ANKRD36C: variants seen among roughly 807,000 people sequenced by gnomAD.
The protein encoded by ANKRD36C is ankyrin repeat domain-containing protein 36C.
A neutral mutation model predicts 276.4 loss-of-function variants in ANKRD36C; 61 were observed. The observed-to-expected ratio is 0.22, with a 90% CI of 0.18 to 0.27. ANKRD36C has a LOEUF of 0.27. ANKRD36C is among the 10% of genes least tolerant of loss of function. The pLI is 1.00. For missense variants in ANKRD36C, 1,447 were observed against 2,032.3 expected, an observed-to-expected ratio of 0.71 and a Z score of 5.54; for synonymous variants, 483 against 680.1, an observed-to-expected ratio of 0.71 and a Z score of 4.51.
intron 38 of ANKRD36C, among the ~76,000 whole-genome samples, chr2:95,914,928 G>A (rs564414314): frequency 6.6e-6 from 1 of 151,526 alleles, no homozygotes; most frequent in South Asian, 2.1e-4. Context: ...TCATCCACTA[G>A]TTTAGCCTTC....
chr2:95,891,584 AC>A (rs900364210), intron 46 of ANKRD36C, 80 bp downstream of exon 66: 2 of 1,473,142 alleles, frequency 1.4e-6, no homozygotes, highest in African/African-American at 1.4e-5. Context: ...GCTTCAACGA[AC>A]CCCCCGCTGA....
intron 52 of ANKRD36C, among the ~76,000 whole-genome samples, chr2:95,884,913 C>T (rs1472709396): frequency 1.3e-5 from 2 of 151,886 alleles, no homozygotes; most frequent in Non-Finnish European, 2.9e-5. Context: ...TATCTGTTTG[C>T]TGAAACTGAG....
chr2:95,856,203 G>A, intron 62 of ANKRD36C, 23 bp from the exon 83 acceptor site: 6 of 1,572,058 alleles, frequency 3.8e-6, no homozygotes, highest in East Asian at 2.3e-5. Context: ...AAGCAAACTT[G>A]TAACTAGTAT....
Position 95,903,083 on chromosome 2 carries a change from T to G in ANKRD36C, c.2654-3747A>C. On this transcript the variant is annotated intron_variant, in intron 42 of 66. Coordinates refer to ENST00000456556, the Ensembl canonical transcript of ANKRD36C. ...AGCCTGGTGGTTGCTCTGAAGACACTGAAAAGTAAAAGGGATTCATAATCA... is the reference window on the plus strand; with the variant it reads ...AGCCTGGTGGTTGCTCTGAAGACACGGAAAAGTAAAAGGGATTCATAATCA... 1 of 1,565,030 alleles carries G rather than the reference T, an allele frequency of 6.4e-7. No individual in the cohort carries two copies. Among genetic ancestry groups the G allele is most frequent in the Non-Finnish European group, 8.7e-7 (1 of 1,154,110 alleles).
chr2:95,971,171 T>C (rs1233229057), intron 6 of ANKRD36C, among the ~76,000 whole-genome samples: 3 of 152,026 alleles, frequency 2.0e-5, no homozygotes, highest in Admixed American at 6.6e-5. Flanking sequence ...AAAATATTAG[T>C]AGTTGACAGG....
At chr2:95,898,437 T>C (rs1227852851) in intron 44 of ANKRD36C, among the ~76,000 whole-genome samples, 168 of 125,676 alleles carry the variant, frequency 1.3e-3, no homozygotes, top group African/African-American at 4.7e-3. Context: ...CTCATTTCTG[T>C]AACTAAAATC....
At chr2:95,933,762 T>C (rs1214512580) in intron 24 of ANKRD36C, among the ~76,000 whole-genome samples, 4 of 152,294 alleles carry the variant, frequency 2.6e-5, no homozygotes, top group Admixed American at 2.6e-4. Flanking sequence ...ATACCCTTTA[T>C]TTTTTCCTCT....
chr2:95,894,541 AT>A (rs1274681559), intron 44 of ANKRD36C, among the ~76,000 whole-genome samples: 7 of 151,388 alleles, frequency 4.6e-5, no homozygotes, highest in South Asian at 2.1e-4. Context: ...CTAGGACTTA[AT>A]TAGAATGCAA....
intron 44 of ANKRD36C, among the ~76,000 whole-genome samples, chr2:95,896,425 T>C (rs1676552076): frequency 6.7e-6 from 1 of 149,228 alleles, no homozygotes; most frequent in Non-Finnish European, 1.5e-5. Flanking sequence ...TTCAACATCA[T>C]TCTTGTGTCT....
intron 44 of ANKRD36C, among the ~76,000 whole-genome samples, chr2:95,892,698 T>C (rs1487249391): frequency 6.6e-6 from 1 of 151,424 alleles, no homozygotes; most frequent in East Asian, 2.0e-4. Context: ...GCATAATTTT[T>C]GTTTCTAAAA....
chr2:95,863,575 T>C (rs1023227715), intron 60 of ANKRD36C, among the ~76,000 whole-genome samples: 2 of 151,990 alleles, frequency 1.3e-5, no homozygotes, highest in Admixed American at 6.6e-5. Context: ...TTCAACCAAT[T>C]TGTGATGCAA....
chr2:95,878,453 A>G (rs915423567), intron 58 of ANKRD36C, among the ~76,000 whole-genome samples: 1 of 152,194 alleles, frequency 6.6e-6, no homozygotes, highest in Non-Finnish European at 1.5e-5. Context: ...TAGTAAAATC[A>G]GTCAAAGTTT....
chr2:95,976,113 A>C (rs1678804726), intron 6 of ANKRD36C, among the ~76,000 whole-genome samples: 1 of 152,240 alleles, frequency 6.6e-6, no homozygotes, highest in East Asian at 1.9e-4. Flanking sequence ...GGCGATCATT[A>C]AAAAGTCAGG....
chr2:95,918,840 A>G (rs1021272976), intron 34 of ANKRD36C, among the ~76,000 whole-genome samples: 1 of 150,234 alleles, frequency 6.7e-6, no homozygotes, highest in African/African-American at 2.4e-5. Flanking sequence ...TTCATTGAAA[A>G]TGACCATTTT....
At chr2:95,857,416 T>C (rs932142882) in exon 62 of ANKRD36C, 1 of 1,609,068 alleles carries the variant, frequency 6.2e-7, no homozygotes, top group African/African-American at 1.3e-5. Context: ...TCTTCTGTGA[T>C]TCTTAACTTT....
At chr2:95,872,992 C>G (rs1242931217) in intron 59 of ANKRD36C, among the ~76,000 whole-genome samples, 3 of 152,128 alleles carry the variant, frequency 2.0e-5, no homozygotes, top group Non-Finnish European at 4.4e-5. Context: ...CTGAATAGAC[C>G]AATAACAGGC....
chr2:95,892,120 A>C (rs541955565), intron 44 of ANKRD36C, among the ~76,000 whole-genome samples: 3 of 151,716 alleles, frequency 2.0e-5, no homozygotes, highest in South Asian at 2.1e-4. Context: ...AACCGTGTCA[A>C]TATCAACGTG....
chr2:95,916,895 C>G (rs1461075481), intron 36 of ANKRD36C, among the ~76,000 whole-genome samples: 1 of 151,598 alleles, frequency 6.6e-6, no homozygotes, highest in Non-Finnish European at 1.5e-5. Flanking sequence ...CATACGTATA[C>G]AAAGTAAAAC....
chr2:95,903,322 T>C lies in ANKRD36C; in HGVS notation c.2654-3986A>G, dbSNP rs1405816770. Among the ~76,000 whole-genome samples the C allele has an allele frequency of 4.0e-4, 60 of 150,070 alleles. 1 individual carries two copies. Among genetic ancestry groups the C allele is most frequent in the South Asian group, 1.5e-3 (7 of 4,756 alleles). On this transcript the variant is annotated intron_variant, in intron 42 of 66. Transcript: ENST00000456556. ...GGTATGATTTGTCATATGCCAAAAA[T>C]TAAAATAAAACCATGTCAATATCAA...
Sources: gnomAD v4.1 joint callset for allele counts (sites outside exome capture counted in the v4.1 genomes callset) on GRCh38, gnomAD v4.1.1 for gene constraint, MANE v1.5 for transcripts, NCBI Gene and HGNC (gene_info 2026-07-23, HGNC 2026-07-21) for gene names.